RPS5: variants seen among roughly 807,000 people sequenced by gnomAD.
The protein encoded by RPS5 is small ribosomal subunit protein uS7.
In RPS5, 2 loss-of-function variants were observed where a neutral mutation model predicts 20.9. The ratio of observed to expected loss-of-function variants is 0.10; its 90% CI spans 0.04 to 0.30. RPS5 has a LOEUF of 0.30. RPS5 is among the 10% of genes least tolerant of loss of function. The pLI is 1.00. For synonymous variants in RPS5, 112 were observed against 105.8 expected (o/e 1.06, Z -0.36); for missense variants, 122 against 287.2 (o/e 0.42, Z 4.16).
intron 1 of RPS5, chr19:58,387,840 C>A (rs936846049): frequency 2.0e-5 from 8 of 406,664 alleles, no homozygotes; most frequent in African/African-American, 1.0e-4. Flanking sequence ...ACAGCCCATG[C>A]AGTGTGAGGA....
In RPS5 at chr19:58,394,462, C is replaced by A; in HGVS notation, c.448-35C>A. ...CCCCAGGGTGCTGGAGGACCGCAGT[C>A]TGTCCTTCTAGCCTGACCCCTGCTG... On this transcript the variant is annotated intron_variant, in intron 4 of 5. Coordinates refer to ENST00000196551, the MANE Select transcript of RPS5 (RefSeq NM_001009.4). 1.9e-6 allele frequency: 3 copies of A among 1,594,080 alleles called. No individual in the cohort carries two copies. The South Asian group carries it at 3.3e-5, about 18-fold the overall frequency.
At chr19:58,394,241 G>A in intron 4 of RPS5, 1 of 482,870 alleles carries the variant, frequency 2.1e-6, no homozygotes, top group South Asian at 2.4e-5. Flanking sequence ...ACCGTGCCCG[G>A]CCGTCTAGCA....
At chr19:58,390,905 G>A (rs1390173612) in intron 2 of RPS5, among the ~76,000 whole-genome samples, 1 of 151,968 alleles carries the variant, frequency 6.6e-6, no homozygotes, top group South Asian at 2.1e-4. Flanking sequence ...TCAGTGTCCT[G>A]TGTTCTTTTC....
intron 4 of RPS5, 91 bp downstream of exon 4, chr19:58,393,578 G>C: frequency 6.7e-7 from 1 of 1,489,434 alleles, no homozygotes; most frequent in South Asian, 1.2e-5. Flanking sequence ...CTCTCTGTCT[G>C]CATGTTTTAC....
chr19:58,389,860 C>T (rs62116432), intron 2 of RPS5, among the ~76,000 whole-genome samples: 54,328 of 151,070 alleles, frequency 0.36, 10,535 homozygotes, highest in East Asian at 0.52. Context: ...TGGTCTCGAA[C>T]TCCTGACCTC....
In RPS5 at chr19:58,388,194, C is replaced by T; in HGVS notation, c.57C>T (p.Leu19=). The change falls in exon 2 of 6, where the codon CTC becomes CTT. Residue 19 remains leucine, a synonymous_variant. Transcript: ENST00000196551. ...TGGCAGAGACCCCAGACATCAAGCT[C>T]TTTGGGAAGTGGAGCACCGATGATG... is the stretch of plus-strand genomic sequence containing the variant. ...PAVAETPDIK[L]FGKWSTDDVQ... 3 of 1,613,378 alleles carry T rather than the reference C, an allele frequency of 1.9e-6. No homozygotes were observed. The South Asian group carries it at 3.3e-5, about 18-fold the overall frequency.
intron 2 of RPS5, 134 bp from the exon 3 acceptor site, chr19:58,392,842 G>GT: frequency 1.3e-6 from 1 of 766,214 alleles, no homozygotes; most frequent in South Asian, 1.7e-5. Flanking sequence ...CAAGTCCCCT[G>GT]TTGAGGCATA....
intron 1 of RPS5, chr19:58,387,762 A>G (rs1299225417): frequency 7.8e-6 from 2 of 257,320 alleles, no homozygotes; most frequent in East Asian, 2.1e-4. Context: ...ACGGCCAAAG[A>G]AACAGTCCGA....
intron 5 of RPS5, 38 bp from the exon 6 acceptor site, chr19:58,394,644 G>A (rs758728556): frequency 1.2e-6 from 2 of 1,613,784 alleles, no homozygotes; most frequent in Non-Finnish European, 1.7e-6. Context: ...GCATTTGTGG[G>A]GGTCCTTCAG....
intron 2 of RPS5, among the ~76,000 whole-genome samples, chr19:58,392,550 C>A (rs184865133): frequency 6.7e-6 from 1 of 149,826 alleles, no homozygotes; most frequent in South Asian, 2.1e-4. Context: ...ATTTGAACCT[C>A]GGAGTCGTAG....
At chr19:58,392,351 C>A (rs1177899450) in intron 2 of RPS5, among the ~76,000 whole-genome samples, 2 of 151,028 alleles carry the variant, frequency 1.3e-5, no homozygotes, top group South Asian at 4.2e-4. Context: ...CTAGGCCAGG[C>A]GCAGTGGCTC....
At chr19:58,391,432 C>CA (rs35576516) in intron 2 of RPS5, among the ~76,000 whole-genome samples, 32,599 of 75,690 alleles carry the variant, frequency 0.43, 6,574 homozygotes, top group East Asian at 0.58. Context: ...AACTCCATCT[C>CA]AAAAAAAAAA....
chr19:58,387,878 C>T (rs73060254), intron 1 of RPS5: 10,518 of 519,228 alleles, frequency 0.02, 149 homozygotes, highest in Non-Finnish European at 0.027. Flanking sequence ...GCCATTATAC[C>T]TTGGTCCCAG....
intron 2 of RPS5, among the ~76,000 whole-genome samples, chr19:58,389,761 CA>C: frequency 6.6e-6 from 1 of 151,900 alleles, no homozygotes; most frequent in Admixed American, 6.5e-5. Context: ...CTCAGCCTCC[CA>C]AGTAGCTGAG....
intron 2 of RPS5, 143 bp from the exon 3 acceptor site, chr19:58,392,833 A>G (rs1331858843): frequency 9.9e-6 from 7 of 707,830 alleles, no homozygotes; most frequent in Admixed American, 2.6e-5. Context: ...GCTTACATCC[A>G]AGTCCCCTGT....
intron 2 of RPS5, among the ~76,000 whole-genome samples, chr19:58,391,662 A>T (rs1204947821): frequency 6.6e-6 from 1 of 151,874 alleles, no homozygotes; most frequent in Non-Finnish European, 1.5e-5. Context: ...GCAGTGGCTT[A>T]TGCCTGTAAT....
intron 1 of RPS5, 139 bp from the exon 2 acceptor site, chr19:58,387,998 G>T: frequency 1.6e-6 from 1 of 620,852 alleles, no homozygotes; most frequent in African/African-American, 1.8e-5. Context: ...TTGAAAACAC[G>T]TTCACGGCCT....
chr19:58,392,175 T>G (rs1445647181), intron 2 of RPS5, among the ~76,000 whole-genome samples: 1 of 151,830 alleles, frequency 6.6e-6, no homozygotes, highest in Non-Finnish European at 1.5e-5. Flanking sequence ...TACAAAAAAT[T>G]TAGCTGGGCT....
chr19:58,387,443 TG>T (rs1284326140), intron 1 of RPS5, 104 bp downstream of exon 1: 1 of 152,294 alleles, frequency 6.6e-6, no homozygotes, highest in African/African-American at 2.4e-5. Context: ...TTTCTGTCTC[TG>T]GAAAAGAAAA....
Sources: gnomAD v4.1 joint callset for allele counts (sites outside exome capture counted in the v4.1 genomes callset) on GRCh38, gnomAD v4.1.1 for gene constraint, MANE v1.5 for transcripts, NCBI Gene and HGNC (gene_info 2026-07-23, HGNC 2026-07-21) for gene names.